Variants in ZBTB41 observed in about 807,000 individuals in gnomAD.
The protein encoded by ZBTB41 is zinc finger and BTB domain-containing protein 41.
Under a neutral mutation model 87.6 loss-of-function variants are expected in ZBTB41, and 42 were observed. That is an observed-to-expected ratio of 0.48 (90% CI 0.37 to 0.62). The LOEUF is 0.62. Among genes scored for constraint, ZBTB41 ranks in the 20% least tolerant of loss-of-function variants. The probability of loss-of-function intolerance (pLI) is 0.00; values close to 1 mark genes in which losing one functional copy is unlikely to be tolerated. For missense variants in ZBTB41, 799 were observed against 1,078.9 expected, an observed-to-expected ratio of 0.74 and a Z score of 3.63; for synonymous variants, 364 against 364.0, an observed-to-expected ratio of 1.00 and a Z score of 0.00.
intron 3 of ZBTB41, 114 bp downstream of exon 3, chr1:197,191,578 A>G: frequency 2.5e-6 from 2 of 806,764 alleles, no homozygotes; most frequent in South Asian, 5.4e-5. Flanking sequence ...CTGTATCTCA[A>G]TGAATCTCCA....
intron 5 of ZBTB41, among the ~76,000 whole-genome samples, chr1:197,183,233 A>G (rs1262080477): frequency 2.0e-5 from 3 of 152,208 alleles, no homozygotes; most frequent in African/African-American, 4.8e-5. Flanking sequence ...ATGACAATAC[A>G]TTCAGAGAAA....
At chr1:197,193,029 G>T (rs1156468341) in intron 2 of ZBTB41, among the ~76,000 whole-genome samples, 3 of 152,116 alleles carry the variant, frequency 2.0e-5, no homozygotes, top group African/African-American at 7.2e-5. Context: ...GAAGTACAAT[G>T]AAAAATTAGG....
At chr1:197,172,736 C>T (rs893899900) in intron 9 of ZBTB41, among the ~76,000 whole-genome samples, 1 of 151,986 alleles carries the variant, frequency 6.6e-6, no homozygotes, top group African/African-American at 2.4e-5. Context: ...ATGAATTTCA[C>T]TTTCTGTAAA....
chr1:197,195,085 G>A (rs547118425), intron 2 of ZBTB41, among the ~76,000 whole-genome samples: 2 of 152,140 alleles, frequency 1.3e-5, no homozygotes, highest in Admixed American at 6.5e-5. Context: ...CATGGAGTGG[G>A]GCATTCAATA....
intron 10 of ZBTB41, among the ~76,000 whole-genome samples, chr1:197,169,237 A>C (rs1169243143): frequency 6.6e-6 from 1 of 152,034 alleles, no homozygotes; most frequent in African/African-American, 2.4e-5. Context: ...AATATATATA[A>C]GAGAAAAGAA....
At chr1:197,189,445 G>A (rs1659969702) in intron 4 of ZBTB41, among the ~76,000 whole-genome samples, 1 of 151,464 alleles carries the variant, frequency 6.6e-6, no homozygotes, top group South Asian at 2.1e-4. Context: ...AGAATCACTT[G>A]AACCCAGGAG....
intron 2 of ZBTB41, among the ~76,000 whole-genome samples, chr1:197,196,250 G>C (rs928970823): frequency 6.6e-6 from 1 of 152,076 alleles, no homozygotes; most frequent in Non-Finnish European, 1.5e-5. Context: ...GGTGGCGCTC[G>C]AACTCCTGTG....
chr1:197,187,287 T>C (rs1659909909), intron 5 of ZBTB41, among the ~76,000 whole-genome samples: 1 of 152,212 alleles, frequency 6.6e-6, no homozygotes, highest in African/African-American at 2.4e-5. Context: ...TTGCCAAAAC[T>C]TGGAAGCAAC....
rs2039639 is a variant in ZBTB41 at position 197,183,622 on chromosome 1, G to A, written c.1547-2505C>T. On this transcript the variant is annotated intron_variant, in intron 5 of 10. Transcript: ENST00000367405. Reference sequence around the variant, plus strand: ...TACTAGTTAGATTACCTATTGCGCCGTAATTTAATTTGGCAGAAATAGTAT... The same window carrying A: ...TACTAGTTAGATTACCTATTGCGCCATAATTTAATTTGGCAGAAATAGTAT... Among the ~76,000 whole-genome samples the A allele has an allele frequency of 7.4e-3, 1,127 of 152,252 alleles. 13 individuals are homozygous for A. Among genetic ancestry groups the A allele is most frequent in the African/African-American group, 0.026 (1,071 of 41,542 alleles).
Position 197,175,053 on chromosome 1 carries a change from C to A in ZBTB41, c.1942G>T (p.Val648Phe). 1 of 1,611,254 alleles carries A rather than the reference C, an allele frequency of 6.2e-7. No homozygotes were observed. The highest frequency in any genetic ancestry group is 8.5e-7 in the Non-Finnish European group (1 of 1,178,420). Residue 648 changes from valine (V) to phenylalanine (F), a missense_variant, in exon 9 of 11, where the codon GTT becomes TTT. This residue lies in a region of ZBTB41 where 198 missense variants were observed against 358.4 expected (regional missense o/e 0.55). Coordinates refer to ENST00000367405, the MANE Select transcript of ZBTB41 (RefSeq NM_194314.3). ...KCFGRRDHLTVHYKSVHLGEK... is the reference protein window; with the variant it reads ...KCFGRRDHLTFHYKSVHLGEK... ...CCAAGGTGTACGCTTTTGTAATGAA[C>A]AGTGAGATGATCCCTACGACCAAAA...
chr1:197,200,914 T>A lies in ZBTB41; in HGVS notation c.-118+309A>T, dbSNP rs545312857. ...GGTTGAGGAGGCTGAAGTCGTGGTT[T>A]AGGGGTGCTGGGATGGTGACAATAA... On this transcript the variant is annotated intron_variant, in intron 1 of 10. Transcript: ENST00000367405. Among the ~76,000 whole-genome samples the A allele has an allele frequency of 1.0e-3, 157 of 152,228 alleles. 1 individual carries two copies. Among genetic ancestry groups the A allele is most frequent in the African/African-American group, 3.7e-3 (152 of 41,558 alleles).
rs765303751 is a variant in ZBTB41 at position 197,200,255 on chromosome 1, C to T, written c.219G>A (p.Leu73=). 8 of 1,612,020 alleles carry T rather than the reference C, an allele frequency of 5.0e-6. No individual in the cohort carries two copies. The South Asian group carries it at 8.8e-5, about 18-fold the overall frequency. The change falls in exon 2 of 11, where the codon TTG becomes TTA. Residue 73 remains leucine (L), a synonymous_variant. Coordinates refer to ENST00000367405, the MANE Select transcript of ZBTB41 (RefSeq NM_194314.3). ...GCCTATCATCATTTAAATATTTTAG[C>T]AAATTCTTATTATACTGCAAAGAAC... is the stretch of plus-strand genomic sequence containing the variant. ...LLSSLQYNKN[L]LKYLNDDRQK...
intron 3 of ZBTB41, 21 bp from the exon 4 acceptor site, chr1:197,190,852 G>A (rs767287379): frequency 1.4e-6 from 2 of 1,474,562 alleles, no homozygotes; most frequent in Non-Finnish European, 9.3e-7. Context: ...AAAAGAAAAA[G>A]ATTATTAGGA....
Position 197,158,454 on chromosome 1 carries a change from A to G in ZBTB41, c.*905T>C, listed in dbSNP as rs1405860246. 2 of 152,600 alleles carry G rather than the reference A, an allele frequency of 1.3e-5. No individual in the cohort carries two copies. Among genetic ancestry groups the G allele is most frequent in the East Asian group, 1.9e-4 (1 of 5,188 alleles). The allele number at this position is 152,600 out of a possible 1,614,324, so 9.5% of individuals were successfully genotyped here. A position where few individuals can be genotyped will look rare whatever the true frequency, so the allele number is the denominator to read the frequency against. On this transcript the variant is annotated 3_prime_UTR_variant, in exon 11 of 11. Transcript: ENST00000367405. The stretch of plus-strand genomic sequence containing the variant: ...CAGCCAAGTAAATGAAATCAAAAGT[A>G]GCATGTTTAATTAAATTTCATTGAG...
At chr1:197,185,197 T>C (rs914824644) in intron 5 of ZBTB41, among the ~76,000 whole-genome samples, 2 of 152,226 alleles carry the variant, frequency 1.3e-5, no homozygotes, top group African/African-American at 4.8e-5. Context: ...AATATGTTTA[T>C]TTTCTGGTAT....
intron 2 of ZBTB41, 25 bp downstream of exon 2, chr1:197,199,329 T>G (rs756625468): frequency 6.8e-7 from 1 of 1,472,478 alleles, no homozygotes. Context: ...TGATTAGAGA[T>G]AGAAAACCAG....
At position 197,159,737 on chromosome 1, in the gene ZBTB41, A is replaced by G. The variant is rs1659155335; in HGVS notation, c.2352T>C (p.Tyr784=). 7 of 1,613,944 alleles carry G rather than the reference A, an allele frequency of 4.3e-6. No homozygotes were observed. Among genetic ancestry groups the G allele is most frequent in the Non-Finnish European group, 5.9e-6 (7 of 1,179,914 alleles). ...ACTGATAAACTTTGGGCTGGTCCAT[A>G]TATTGTTTTGTTTCTGTTTGAAAGA... ...DKIFQTETKQ[Y]MDQPKVYQSE... Residue 784 remains tyrosine, a synonymous_variant, in exon 11 of 11, where the codon TAT becomes TAC. Transcript: ENST00000367405.
intron 10 of ZBTB41, among the ~76,000 whole-genome samples, chr1:197,170,918 T>C (rs538882338): frequency 6.6e-6 from 1 of 152,292 alleles, no homozygotes; most frequent in South Asian, 2.1e-4. Context: ...TTTGTCTTAT[T>C]CCATCATAGA....
At chr1:197,191,428 G>A (rs1162605291) in intron 3 of ZBTB41, among the ~76,000 whole-genome samples, 2 of 136,036 alleles carry the variant, frequency 1.5e-5, no homozygotes, top group Non-Finnish European at 3.0e-5. Flanking sequence ...CTGCCCTCCA[G>A]CCTGGGCGAC....
Sources: allele counts gnomAD v4.1 joint callset (sites outside exome capture counted in the v4.1 genomes callset), GRCh38; gene constraint gnomAD v4.1.1; regional missense constraint gnomAD v4.1.1; transcripts MANE v1.5; gene names NCBI Gene and HGNC (gene_info 2026-07-23, HGNC 2026-07-21).